The following IQGAP3 variants were observed in gnomAD, a reference collection of about 807,000 sequenced individuals.
The protein encoded by IQGAP3 is ras GTPase-activating-like protein IQGAP3.
IQGAP3 carries 165 observed loss-of-function variants against 208.2 expected under a neutral mutation model. The observed-to-expected ratio is 0.79, with a 90% CI of 0.70 to 0.90. IQGAP3 has a LOEUF of 0.90. Among genes scored for constraint, IQGAP3 ranks in the 40% least tolerant of loss-of-function variants. The pLI is 0.00. For synonymous variants in IQGAP3, 703 were observed against 803.6 expected, an observed-to-expected ratio of 0.87 and a Z score of 2.12; for missense variants, 1,811 against 2,043.1, an observed-to-expected ratio of 0.89 and a Z score of 2.19.
chr1:156,543,557 G>A (rs1419495880), intron 22 of IQGAP3, among the ~76,000 whole-genome samples: 1 of 152,214 alleles, frequency 6.6e-6, no homozygotes, highest in Non-Finnish European at 1.5e-5. Flanking sequence ...TGGGGAATAT[G>A]GAGCAGGAAG....
chr1:156,548,602 T>C lies in IQGAP3; in HGVS notation c.1972A>G (p.Met658Val), dbSNP rs776809237. ...TTACCTGGACGCTGTTTCTTTGCCA[T>C]GGCACTTTCCAGGGCTCGCTGGTAG... The part of the protein sequence containing the change: ...NGYQRALESA[M>V]AKKQRPADTA... The change falls in exon 17 of 38, where the codon ATG becomes GTG. Residue 658 changes from methionine to valine, a missense_variant. Transcript: ENST00000361170. 1 of 1,603,664 alleles carries C rather than the reference T, an allele frequency of 6.2e-7. No individual in the cohort carries two copies. The highest frequency in any genetic ancestry group is 2.2e-5 in the East Asian group (1 of 44,634).
At chr1:156,556,383 T>C in intron 12 of IQGAP3, 150 bp downstream of exon 12, 2 of 685,646 alleles carry the variant, frequency 2.9e-6, no homozygotes, top group Non-Finnish European at 2.4e-6. Context: ...TAAAATACGC[T>C]CAGTAAGGCA....
chr1:156,536,896 C>G (rs2102373128), intron 27 of IQGAP3: 1 of 268,454 alleles, frequency 3.7e-6, no homozygotes, highest in Non-Finnish European at 6.9e-6. Context: ...TCCTCATTTG[C>G]TCTTAGCTAA....
intron 11 of IQGAP3, among the ~76,000 whole-genome samples, chr1:156,557,613 G>T (rs1465036549): frequency 1.6e-5 from 1 of 60,802 alleles, no homozygotes; most frequent in Non-Finnish European, 3.8e-5. Context: ...GAGGGAGGTG[G>T]GGGGGTCAGC....
Position 156,539,476 on chromosome 1 carries a change from A to G in IQGAP3, c.2954T>C (p.Phe985Ser), listed in dbSNP as rs780163254. The change falls in exon 25 of 38, where the codon TTC (phenylalanine) becomes TCC (serine). Residue 985 changes from phenylalanine (F) to serine (S), a missense_variant. Coordinates refer to ENST00000361170, the MANE Select transcript of IQGAP3 (RefSeq NM_178229.5). ...CAGGCTGAAAATCACTGCCTCCATG[A>G]ACTTGGTGGTTTTGTTCTGTGGCAT... is the stretch of plus-strand genomic sequence containing the variant. Reference protein sequence around the residue: ...FQMPQNKTTKFMEAVIFSLYN... With the variant: ...FQMPQNKTTKSMEAVIFSLYN... 1.2e-6 allele frequency: 2 copies of G among 1,614,148 alleles called. No individual in the cohort carries two copies. The highest frequency in any genetic ancestry group is 8.5e-7 in the Non-Finnish European group (1 of 1,180,012).
At chr1:156,562,076 T>G in intron 9 of IQGAP3, 75 bp from the exon 10 acceptor site, 2 of 1,362,942 alleles carry the variant, frequency 1.5e-6, no homozygotes, top group Non-Finnish European at 2.0e-6. Flanking sequence ...GCCCTAGGAA[T>G]CTACCCTCTT....
At chr1:156,557,583 C>T (rs1314123305) in intron 11 of IQGAP3, among the ~76,000 whole-genome samples, 8 of 75,810 alleles carry the variant, frequency 1.1e-4, no homozygotes, top group South Asian at 7.1e-4. Context: ...GCCCCCCGCC[C>T]GGCCAGCCGC....
chr1:156,564,424 G>A (rs1676308324), intron 5 of IQGAP3, among the ~76,000 whole-genome samples, 191 bp downstream of exon 5: 1 of 152,004 alleles, frequency 6.6e-6, no homozygotes, highest in South Asian at 2.1e-4. Context: ...ACCCACACAG[G>A]CCATACATAA....
intron 1 of IQGAP3, 43 bp downstream of exon 1, chr1:156,572,450 C>A: frequency 6.3e-7 from 1 of 1,596,578 alleles, no homozygotes; most frequent in Non-Finnish European, 8.5e-7. Flanking sequence ...CCCCGACCAG[C>A]GGCACCACTG....
chr1:156,536,603 T>A (rs1293713583), intron 27 of IQGAP3, among the ~76,000 whole-genome samples: 1 of 152,166 alleles, frequency 6.6e-6, no homozygotes, highest in Non-Finnish European at 1.5e-5. Context: ...GTGTTGTATA[T>A]CTCAAAATAG....
At position 156,533,125 on chromosome 1, in the gene IQGAP3, T is replaced by C. The variant is rs1399840124; in HGVS notation, c.3977-19A>G. On this transcript the variant is annotated intron_variant, in intron 31 of 37. Coordinates refer to ENST00000361170, the MANE Select transcript of IQGAP3 (RefSeq NM_178229.5). Reference sequence around the variant, plus strand: ...CTCTCACCTGAGGTGTGGTGAGGAATGAGAGGGAGACAGGCATACACACAC... The same window carrying C: ...CTCTCACCTGAGGTGTGGTGAGGAACGAGAGGGAGACAGGCATACACACAC... The C allele has an allele frequency of 7.4e-6, 12 of 1,613,358 alleles. No individual in the cohort carries two copies. In the Admixed American group the frequency reaches 1.8e-4, roughly 25 times the overall value.
Position 156,561,925 on chromosome 1 carries a change from G to A in IQGAP3, c.954C>T (p.Asp318=), listed in dbSNP as rs1460893894. The A allele has an allele frequency of 6.2e-7, 1 of 1,613,936 alleles. No individual in the cohort carries two copies. Among genetic ancestry groups the A allele is most frequent in the Admixed American group, 1.7e-5 (1 of 59,994 alleles). ...SPEALLKALQ[D]PALALRGVRR... is the part of the protein sequence containing the mutation. Reference sequence around the variant, plus strand: ...TCACCCCTCGCAGGGCCAGGGCAGGGTCTTGAAGGGCCTTGAGCAAGGCTT... The same window carrying A: ...TCACCCCTCGCAGGGCCAGGGCAGGATCTTGAAGGGCCTTGAGCAAGGCTT... The change falls in exon 10 of 38, where the codon GAC becomes GAT. Residue 318 remains aspartate (D), a synonymous_variant. Coordinates refer to ENST00000361170, the MANE Select transcript of IQGAP3 (RefSeq NM_178229.5).
At chr1:156,555,023 T>C (rs201804338) in intron 12 of IQGAP3, among the ~76,000 whole-genome samples, 1 of 152,026 alleles carries the variant, frequency 6.6e-6, no homozygotes, top group Non-Finnish European at 1.5e-5. Flanking sequence ...CACTGCACTC[T>C]AGCCTGGGTG....
At chr1:156,561,060 C>T (rs1328978536) in intron 10 of IQGAP3, 39 bp from the exon 11 acceptor site, 10 of 1,466,712 alleles carry the variant, frequency 6.8e-6, no homozygotes, top group East Asian at 2.3e-5. Context: ...GGAGTCCTTC[C>T]GGGGCCATGA....
At position 156,540,827 on chromosome 1, in the gene IQGAP3, G is replaced by A. The variant is rs760850975; in HGVS notation, c.2620C>T (p.Leu874=). Residue 874 remains leucine, a synonymous_variant, in exon 23 of 38, where the codon CTG becomes TTG. Transcript: ENST00000361170. ...ACTACCTCTTCCTGGAGCTTCAGCA[G>A]CTCTGCCTCAGCCAAGAAGTCTTGC... is the stretch of plus-strand genomic sequence containing the variant. The part of the protein sequence containing the change: ...SQQDFLAEAE[L]LKLQEEVVRK... The A allele has an allele frequency of 6.2e-7, 1 of 1,614,118 alleles. No homozygotes were observed. Among genetic ancestry groups the A allele is most frequent in the Non-Finnish European group, 8.5e-7 (1 of 1,180,002 alleles).
chr1:156,560,680 A>G (rs1285885590), intron 11 of IQGAP3, among the ~76,000 whole-genome samples: 1 of 152,238 alleles, frequency 6.6e-6, no homozygotes, highest in African/African-American at 2.4e-5. Flanking sequence ...TGCCTGGAAG[A>G]AAACTGCCTG....
At position 156,540,705 on chromosome 1, in the gene IQGAP3, T is replaced by C; in HGVS notation, c.2739+3A>G. 2 of 1,613,106 alleles carry C rather than the reference T, an allele frequency of 1.2e-6. No individual in the cohort carries two copies. Among genetic ancestry groups the C allele is most frequent in the Non-Finnish European group, 1.7e-6 (2 of 1,179,330 alleles). On this transcript the variant is annotated splice_donor_region_variant and intron_variant, in intron 23 of 37. Transcript: ENST00000361170. ...GGGAGGGGAGGACTGGTGGGCCCCA[T>C]ACCTGCAGAGTGATCCGGTTCTTCA... is the stretch of plus-strand genomic sequence containing the variant.
chr1:156,569,393 C>G lies in IQGAP3; in HGVS notation c.108G>C (p.Arg36=). The change falls in exon 2 of 38, where the codon CGG becomes CGC. Residue 36 remains arginine (R), a synonymous_variant. Transcript: ENST00000361170. ...CCGCTCACCGCTTGGCCTCCTCCAGCCGGCACAGGTACTGATAGGCAACAT... is the reference window on the plus strand; with the variant it reads ...CCGCTCACCGCTTGGCCTCCTCCAGGCGGCACAGGTACTGATAGGCAACAT... ...RQNVAYQYLC[R]LEEAKRWMEA... 6.2e-7 allele frequency: 1 copy of G among 1,613,180 alleles called. No homozygotes were observed.
At position 156,530,259 on chromosome 1, in the gene IQGAP3, T is replaced by A. The variant is rs1367944011; in HGVS notation, c.4250A>T (p.Glu1417Val). ...RRQACTAQTP[E>V]PLRRHRSLTA... ...CAGTGAGCGGTGTCGTCGCAGTGGCTCCGGTGTCTGGGCTGTACAGGCCTG... is the reference window on the plus strand; with the variant it reads ...CAGTGAGCGGTGTCGTCGCAGTGGCACCGGTGTCTGGGCTGTACAGGCCTG... Residue 1417 changes from glutamate to valine, a missense_variant, in exon 34 of 38, where the codon GAG becomes GTG. Coordinates refer to ENST00000361170, the MANE Select transcript of IQGAP3 (RefSeq NM_178229.5). The A allele has an allele frequency of 1.2e-6, 2 of 1,612,700 alleles. No individual in the cohort carries two copies. Among genetic ancestry groups the A allele is most frequent in the Admixed American group, 1.7e-5 (1 of 59,992 alleles).
Sources: gnomAD v4.1 joint callset for allele counts (sites outside exome capture counted in the v4.1 genomes callset) on GRCh38, gnomAD v4.1.1 for gene constraint, MANE v1.5 for transcripts, NCBI Gene and HGNC (gene_info 2026-07-23, HGNC 2026-07-21) for gene names.